TTC9: variants seen among roughly 807,000 people sequenced by gnomAD.
TTC9 encodes tetratricopeptide repeat domain 9.
Under a neutral mutation model 22.9 loss-of-function variants are expected in TTC9, and 13 were observed. The observed-to-expected ratio is 0.57, with a 90% CI of 0.37 to 0.90. The LOEUF is 0.90. Ranked by LOEUF, TTC9 falls within the 40% of genes least tolerant of loss-of-function variation. The probability of loss-of-function intolerance (pLI) is 0.01; values close to 1 mark genes in which losing one functional copy is unlikely to be tolerated. For missense variants in TTC9, 280 were observed against 291.8 expected, an observed-to-expected ratio of 0.96 and a Z score of 0.29; for synonymous variants, 148 against 133.2, an observed-to-expected ratio of 1.11 and a Z score of -0.77.
At position 70,659,130 on chromosome 14, in the gene TTC9, ACG is replaced by A. The variant is rs35178781; in HGVS notation, c.407-8432_407-8431del. On this transcript the variant is annotated intron_variant, in intron 1 of 2. Transcript: ENST00000256367. ...ACTGTATATAACTAAACACACACAC[ACG>A]CACACACACACACACACACACACAC... Among the ~76,000 whole-genome samples the A allele has an allele frequency of 9.5e-3, 1,053 of 111,358 alleles. 6 individuals are homozygous for A. The highest frequency in any genetic ancestry group is 0.014 in the Middle Eastern group (3 of 214). The allele number at this position is 111,358 out of a possible 152,430, so 73.1% of individuals were successfully genotyped here. A position where few individuals can be genotyped will look rare whatever the true frequency, so the allele number is the denominator to read the frequency against.
chr14:70,657,864 G>T (rs1471226257), intron 1 of TTC9, among the ~76,000 whole-genome samples: 1 of 152,224 alleles, frequency 6.6e-6, no homozygotes, highest in Non-Finnish European at 1.5e-5. Context: ...TACTTGGGAG[G>T]CTGAGGCAGG....
chr14:70,652,788 T>C (rs902207879), intron 1 of TTC9, among the ~76,000 whole-genome samples: 8 of 152,202 alleles, frequency 5.3e-5, no homozygotes, highest in African/African-American at 1.9e-4. Context: ...CTTTCTCTAA[T>C]GGATCTGCAC....
Position 70,656,246 on chromosome 14 carries a change from C to CACACACACAT in TTC9, c.407-11317_407-11316insCACACACATA, listed in dbSNP as rs373121504. 3.0e-3 allele frequency among the ~76,000 whole-genome samples: 423 copies of CACACACACAT among 140,166 alleles called. 2 individuals carry two copies. The highest frequency in any genetic ancestry group is 0.011 in the African/African-American group (402 of 38,044). The allele number at this position is 140,166 out of a possible 152,430, so 92.0% of individuals were successfully genotyped here. A position where few individuals can be genotyped will look rare whatever the true frequency, so the allele number is the denominator to read the frequency against. ...ACACACACACACACACACACACACACATTTATTTTTCACAACATTCAGGTT... is the reference window on the plus strand; with the variant it reads ...ACACACACACACACACACACACACACACACACACATATTTATTTTTCACAACATTCAGGTT... On this transcript the variant is annotated intron_variant, in intron 1 of 2. Transcript: ENST00000256367.
chr14:70,666,703 G>A (rs1886220814), intron 1 of TTC9, among the ~76,000 whole-genome samples: 2 of 152,236 alleles, frequency 1.3e-5, no homozygotes, highest in South Asian at 4.1e-4. Flanking sequence ...AATTTCTTCA[G>A]CTCTCTGGGC....
At chr14:70,651,049 C>T (rs908082232) in intron 1 of TTC9, among the ~76,000 whole-genome samples, 2 of 151,916 alleles carry the variant, frequency 1.3e-5, no homozygotes, top group African/African-American at 4.8e-5. Context: ...AGCACGTTAT[C>T]AGCTCACTGC....
chr14:70,662,101 G>T (rs1886151831), intron 1 of TTC9, among the ~76,000 whole-genome samples: 1 of 152,138 alleles, frequency 6.6e-6, no homozygotes, highest in Non-Finnish European at 1.5e-5. Context: ...AGACCCAAAG[G>T]CCAGAAAGTT....
chr14:70,656,062 T>C (rs1042817798), intron 1 of TTC9, among the ~76,000 whole-genome samples: 11 of 152,058 alleles, frequency 7.2e-5, no homozygotes, highest in Non-Finnish European at 1.3e-4. Context: ...ACCTCTAAGC[T>C]TCACCTTCCC....
chr14:70,660,733 GTT>G (rs1886133988), intron 1 of TTC9, among the ~76,000 whole-genome samples: 1 of 152,198 alleles, frequency 6.6e-6, no homozygotes, highest in African/African-American at 2.4e-5. Context: ...GTACAATACT[GTT>G]TGCCTATTTG....
At chr14:70,656,362 G>A (rs1034058465) in intron 1 of TTC9, among the ~76,000 whole-genome samples, 1 of 152,096 alleles carries the variant, frequency 6.6e-6, no homozygotes, top group South Asian at 2.1e-4. Flanking sequence ...GATTGTAATG[G>A]CTGTGTAATG....
At chr14:70,666,196 C>T (rs1432186971) in intron 1 of TTC9, among the ~76,000 whole-genome samples, 2 of 152,272 alleles carry the variant, frequency 1.3e-5, no homozygotes, top group East Asian at 1.9e-4. Flanking sequence ...ATCCTCCAGG[C>T]GTGTCATCAC....
chr14:70,664,983 G>A (rs577270159), intron 1 of TTC9, among the ~76,000 whole-genome samples: 1 of 152,288 alleles, frequency 6.6e-6, no homozygotes, highest in Non-Finnish European at 1.5e-5. Context: ...GCCAGAAATT[G>A]ATTGCTGTGG....
At chr14:70,668,849 TAAAA>T (rs796950135) in intron 2 of TTC9, among the ~76,000 whole-genome samples, 1 of 91,188 alleles carries the variant, frequency 1.1e-5, no homozygotes, top group Admixed American at 1.3e-4. Flanking sequence ...AGACCTTGTC[TAAAA>T]AAAAAAAAAA....
intron 1 of TTC9, among the ~76,000 whole-genome samples, chr14:70,656,369 A>G (rs1446939966): frequency 2.0e-5 from 3 of 152,208 alleles, no homozygotes; most frequent in East Asian, 3.8e-4. Context: ...ATGGCTGTGT[A>G]ATGTTCCATT....
chr14:70,663,756 A>G (rs1383741833), intron 1 of TTC9, among the ~76,000 whole-genome samples: 5 of 152,186 alleles, frequency 3.3e-5, no homozygotes, highest in Non-Finnish European at 4.4e-5. Context: ...TGCCCCGCCC[A>G]GTGCCCAGCA....
chr14:70,666,853 GTGA>G (rs759036811), intron 1 of TTC9, among the ~76,000 whole-genome samples: 5 of 152,158 alleles, frequency 3.3e-5, no homozygotes, highest in Non-Finnish European at 7.4e-5. Flanking sequence ...GGCCATGATG[GTGA>G]TGATGATGAT....
rs1175454227 is a variant in TTC9, at chr14:70,642,179, C to G, written c.50C>G (p.Pro17Arg). The change falls in exon 1 of 3, where the codon CCC (proline) becomes CGC (arginine). Residue 17 changes from proline (P) to arginine (R), a missense_variant. This residue lies in a region of TTC9 where 49 missense variants were observed against 39.8 expected (regional missense o/e 1.23). Coordinates refer to ENST00000256367, the MANE Select transcript of TTC9 (RefSeq NM_015351.2). ...GGGGCCAAGGGGAACCCGAGCCCGC[C>G]CGCGGCCGGAGAGGGGCAGCGGCCA... is the stretch of plus-strand genomic sequence containing the variant. ...AAGAKGNPSP[P>R]AAGEGQRPPP... The G allele has an allele frequency of 6.6e-6, 8 of 1,208,566 alleles. No homozygotes were observed. The African/African-American group carries it at 1.1e-4, about 17-fold the overall frequency. The allele number at this position is 1,208,566 out of a possible 1,614,324, so 74.9% of individuals were successfully genotyped here. A position where few individuals can be genotyped will look rare whatever the true frequency, so the allele number is the denominator to read the frequency against.
intron 1 of TTC9, among the ~76,000 whole-genome samples, chr14:70,650,824 TTTTC>T (rs76471604): frequency 0.3 from 45,488 of 151,932 alleles, 7,329 homozygotes; most frequent in East Asian, 0.53. Context: ...TTTAATATGA[TTTTC>T]TTTGTGTAGA....
At position 70,671,122 on chromosome 14, in the gene TTC9, C is replaced by G; in HGVS notation, c.636C>G (p.Ser212Arg). The G allele has an allele frequency of 6.2e-7, 1 of 1,613,684 alleles. No individual in the cohort carries two copies. Among genetic ancestry groups the G allele is most frequent in the African/African-American group, 1.3e-5 (1 of 75,036 alleles). ...RYIQLTEMKL[S>R]RCSQREKEAM ...TCCAGCTGACGGAGATGAAACTCAGCCGATGCTCCCAGAGAGAAAAAGAAG... is the reference window on the plus strand; with the variant it reads ...TCCAGCTGACGGAGATGAAACTCAGGCGATGCTCCCAGAGAGAAAAAGAAG... Residue 212 changes from serine to arginine, a missense_variant, in exon 3 of 3, where the codon AGC (serine) becomes AGG (arginine). Ser to Arg is a moderately radical substitution (Grantham distance 110, BLOSUM62 -1). This residue lies in a region of TTC9 where 22 missense variants were observed against 20.4 expected (regional missense o/e 1.08). Transcript: ENST00000256367.
intron 1 of TTC9, among the ~76,000 whole-genome samples, chr14:70,663,638 G>T (rs1236978342): frequency 6.8e-6 from 1 of 147,692 alleles, no homozygotes; most frequent in Non-Finnish European, 1.5e-5. Flanking sequence ...CTTCATAGCA[G>T]TTAGCCCACA....
Sources: gnomAD v4.1 joint callset for allele counts (sites outside exome capture counted in the v4.1 genomes callset) on GRCh38, gnomAD v4.1.1 for gene constraint, gnomAD v4.1.1 regional missense constraint, MANE v1.5 for transcripts, NCBI Gene and HGNC (gene_info 2026-07-23, HGNC 2026-07-21) for gene names.